FBN2: variants seen among roughly 807,000 people sequenced by gnomAD.
The protein encoded by FBN2 is fibrillin 2, also known as fibrillin-2.
In FBN2, 105 loss-of-function variants were observed where a neutral mutation model predicts 355.6. The ratio of observed to expected loss-of-function variants is 0.30; its 90% CI spans 0.25 to 0.35. The LOEUF is 0.35. FBN2 is among the 10% of genes least tolerant of loss of function. The probability of loss-of-function intolerance (pLI) is 1.00; values close to 1 mark genes in which losing one functional copy is unlikely to be tolerated. For missense variants in FBN2, 3,280 were observed against 3,758.7 expected (o/e 0.87, Z 3.33); for synonymous variants, 1,350 against 1,301.2 (o/e 1.04, Z -0.81).
At chr5:128,440,105 T>C (rs561121474) in intron 7 of FBN2, among the ~76,000 whole-genome samples, 1 of 152,326 alleles carries the variant, frequency 6.6e-6, no homozygotes, top group East Asian at 1.9e-4. Context: ...GCTAGTACCA[T>C]AGTAATTTAA....
At chr5:128,314,737 T>C (rs937175876) in intron 36 of FBN2, among the ~76,000 whole-genome samples, 4 of 152,230 alleles carry the variant, frequency 2.6e-5, no homozygotes, top group African/African-American at 9.6e-5. Context: ...CCAAATGTAT[T>C]TAATGCTATT....
chr5:128,261,979 ACT>A, intron 63 of FBN2, 72 bp from the exon 64 acceptor site: 2 of 1,243,414 alleles, frequency 1.6e-6, no homozygotes, highest in Non-Finnish European at 2.4e-6. Flanking sequence ...GGTAGAGCAG[ACT>A]CTTCAGAAAC....
intron 6 of FBN2, among the ~76,000 whole-genome samples, chr5:128,456,255 C>T (rs562463708): frequency 2.0e-5 from 3 of 152,090 alleles, no homozygotes; most frequent in East Asian, 2.0e-4. Context: ...GCAGGATCTC[C>T]GATAACTCCA....
intron 48 of FBN2, among the ~76,000 whole-genome samples, chr5:128,297,520 CCT>C (rs1259553797): frequency 6.6e-6 from 1 of 152,044 alleles, no homozygotes; most frequent in Non-Finnish European, 1.5e-5. Flanking sequence ...TCTGGGTGCT[CCT>C]GTATTGGGTG....
chr5:128,296,171 AT>A (rs2126827485), intron 48 of FBN2, among the ~76,000 whole-genome samples: 1 of 151,974 alleles, frequency 6.6e-6, no homozygotes, highest in South Asian at 2.1e-4. Flanking sequence ...CCAGCCTTGC[AT>A]CCCAGGGATG....
At chr5:128,385,884 AT>A (rs563158700) in intron 11 of FBN2, among the ~76,000 whole-genome samples, 22 of 148,854 alleles carry the variant, frequency 1.5e-4, no homozygotes, top group African/African-American at 3.2e-4. Context: ...ATTTAATGAG[AT>A]TTTTTTTTTG....
At chr5:128,330,353 T>A (rs1750660561) in intron 33 of FBN2, among the ~76,000 whole-genome samples, 1 of 152,338 alleles carries the variant, frequency 6.6e-6, no homozygotes, top group South Asian at 2.1e-4. Context: ...ACATGATTGT[T>A]ACAAATGCCG....
rs1245989298 is a variant in FBN2, at chr5:128,537,782, G to GCCC, written c.-182_-180dup. 4 of 650,510 alleles carry GCCC rather than the reference G, an allele frequency of 6.1e-6. No individual in the cohort carries two copies. Among genetic ancestry groups the GCCC allele is most frequent in the Non-Finnish European group, 1.1e-5 (4 of 380,634 alleles). The allele number at this position is 650,510 out of a possible 1,614,324, so 40.3% of individuals were successfully genotyped here. A position where few individuals can be genotyped will look rare whatever the true frequency, so the allele number is the denominator to read the frequency against. ...TCGACAGAGCGCCGGCCCCCTGACTGCCCGCGAAGCGAGACGCGGGGCGCC... is the reference window on the plus strand; with the variant it reads ...TCGACAGAGCGCCGGCCCCCTGACTGCCCCCCGCGAAGCGAGACGCGGGGCGCC... On this transcript the variant is annotated 5_prime_UTR_variant, in exon 1 of 65. Transcript: ENST00000262464.
At chr5:128,291,196 C>A (rs540408749) in intron 49 of FBN2, among the ~76,000 whole-genome samples, 3 of 152,208 alleles carry the variant, frequency 2.0e-5, no homozygotes, top group Admixed American at 6.5e-5. Context: ...ATCAAGGTAA[C>A]TTTCAGTAAG....
In FBN2 at chr5:128,537,423, G is replaced by A. The variant is rs1756884760; in HGVS notation, c.181C>T (p.Pro61Ser). The A allele has an allele frequency of 2.5e-6, 4 of 1,609,744 alleles. No homozygotes were observed. In the East Asian group the frequency reaches 8.9e-5, roughly 36 times the overall value. ...TAGSEGGFLA[P>S]EYREEGAAVA... ...GCGGCACCCTCCTCGCGATACTCGG[G>A]CGCTAGAAACCCGCCTTCAGAGCCT... Residue 61 changes from proline to serine, a missense_variant, in exon 1 of 65, where the codon CCC (proline) becomes TCC (serine). Transcript: ENST00000262464.
At chr5:128,535,367 T>C (rs953967326) in intron 2 of FBN2, among the ~76,000 whole-genome samples, 1 of 152,212 alleles carries the variant, frequency 6.6e-6, no homozygotes, top group Non-Finnish European at 1.5e-5. Flanking sequence ...TACATCCTTA[T>C]TATCCCTTGG....
chr5:128,265,848 T>A (rs1291535903), intron 62 of FBN2, among the ~76,000 whole-genome samples: 1 of 152,202 alleles, frequency 6.6e-6, no homozygotes, highest in Non-Finnish European at 1.5e-5. Context: ...TGGTAGCAGG[T>A]TTAGTAACAT....
chr5:128,518,267 G>C lies in FBN2; in HGVS notation c.628+1006C>G, dbSNP rs1024423732. Among the ~76,000 whole-genome samples, 3 of 143,698 alleles carry C rather than the reference G, an allele frequency of 2.1e-5. No individual in the cohort carries two copies. The East Asian group carries it at 5.9e-4, about 28-fold the overall frequency. The allele number at this position is 143,698 out of a possible 152,430, so 94.3% of individuals were successfully genotyped here. ...TAAATATTCCCATGATCCATAATGA[G>C]GGATCAATGCCAGAGATTTTTCAGC... On this transcript the variant is annotated intron_variant, in intron 5 of 64. Transcript: ENST00000262464.
At chr5:128,376,905 C>T in intron 13 of FBN2, 52 bp from the exon 14 acceptor site, 1 of 1,605,576 alleles carries the variant, frequency 6.2e-7, no homozygotes, top group Non-Finnish European at 8.5e-7. Context: ...GGAACCAATT[C>T]CTTCTTCTTC....
chr5:128,298,461 C>CT (rs1404644757), intron 48 of FBN2, among the ~76,000 whole-genome samples: 1 of 152,162 alleles, frequency 6.6e-6, no homozygotes. Flanking sequence ...CTCCCCGTCA[C>CT]TTTCAGGTAC....
At chr5:128,318,643 C>T (rs965396318) in intron 35 of FBN2, among the ~76,000 whole-genome samples, 9 of 151,850 alleles carry the variant, frequency 5.9e-5, no homozygotes, top group South Asian at 2.1e-4. Context: ...AGACACTTTA[C>T]TAGTTTCATG....
chr5:128,494,945 T>C (rs948179874), intron 5 of FBN2, among the ~76,000 whole-genome samples: 1 of 152,108 alleles, frequency 6.6e-6, no homozygotes, highest in Non-Finnish European at 1.5e-5. Context: ...GCAACAGAAA[T>C]GTCCTTAGAG....
chr5:128,455,727 A>G (rs1014762194), intron 6 of FBN2, among the ~76,000 whole-genome samples: 3 of 151,884 alleles, frequency 2.0e-5, no homozygotes, highest in African/African-American at 7.3e-5. Context: ...CCCCGCAGCT[A>G]AGGGAGGTCA....
chr5:128,536,438 A>T lies in FBN2; in HGVS notation c.301T>A (p.Trp101Arg). The T allele has an allele frequency of 6.2e-7, 1 of 1,614,124 alleles. No individual in the cohort carries two copies. The highest frequency in any genetic ancestry group is 8.5e-7 in the Non-Finnish European group (1 of 1,180,012). The change falls in exon 2 of 65, where the codon TGG becomes AGG. Residue 101 changes from tryptophan (W) to arginine (R), a missense_variant. Transcript: ENST00000262464. ...TGGTTTCCTCCAGGGAGCGTCTTCC[A>T]TCCAGGGCAGCAGTAGGAGTGGAAT... ...SRFHSYCCPGWKTLPGGNQCI... is the reference protein window; with the variant it reads ...SRFHSYCCPGRKTLPGGNQCI...
Sources: gnomAD v4.1 joint callset for allele counts (sites outside exome capture counted in the v4.1 genomes callset) on GRCh38, gnomAD v4.1.1 for gene constraint, MANE v1.5 for transcripts, NCBI Gene and HGNC (gene_info 2026-07-23, HGNC 2026-07-21) for gene names.